CRADD: variants seen among roughly 807,000 people sequenced by gnomAD.
The protein encoded by CRADD is death domain-containing protein CRADD.
A neutral mutation model predicts 15.5 loss-of-function variants in CRADD; 9 were observed. The observed-to-expected ratio is 0.58, with a 90% CI of 0.35 to 1.01. CRADD has a LOEUF of 1.01. Ranked by LOEUF, CRADD falls within the 50% of genes least tolerant of loss-of-function variation. The pLI, the probability that CRADD is intolerant of heterozygous loss-of-function variation, is 0.02. For missense variants in CRADD, 227 were observed against 250.3 expected (o/e 0.91, Z 0.63); for synonymous variants, 118 against 107.6 (o/e 1.10, Z -0.60).
chr12:93,854,764 C>T (rs187679069), downstream of CRADD, among the ~76,000 whole-genome samples: 326 of 152,290 alleles, frequency 2.1e-3, no homozygotes, highest in Non-Finnish European at 3.9e-3. Context: ...CAGCCACATA[C>T]GTTTATGGCC....
At chr12:93,807,617 A>G (rs1957554387) in intron 2 of CRADD, among the ~76,000 whole-genome samples, 1 of 152,124 alleles carries the variant, frequency 6.6e-6, no homozygotes, top group African/African-American at 2.4e-5. Flanking sequence ...GTGGAGAGAC[A>G]GAGAAAATAA....
intron 2 of CRADD, among the ~76,000 whole-genome samples, chr12:93,870,923 A>G (rs561988248): frequency 7.2e-5 from 11 of 152,364 alleles, no homozygotes; most frequent in African/African-American, 2.6e-4. Context: ...GATAGTGGAC[A>G]ACAATTAAAA....
intron 2 of CRADD, chr12:93,738,678 GTTTTATTCTCATAAATAATGGAAA>G (rs2136925346): frequency 4.2e-6 from 2 of 473,136 alleles, no homozygotes; most frequent in East Asian, 6.7e-5. Flanking sequence ...TCAACCTCCT[GTTTTATTCTCATAAATAATGGAAA>G]TCTTAACTTC....
At chr12:93,877,034 C>G (rs1474290853) in intron 2 of CRADD, among the ~76,000 whole-genome samples, 2 of 129,650 alleles carry the variant, frequency 1.5e-5, no homozygotes, top group African/African-American at 2.5e-5. Flanking sequence ...CTGGGCACCC[C>G]AAGCCCAGTA....
Position 93,828,356 on chromosome 12 carries a change from A to T in CRADD, c.299-21614A>T, listed in dbSNP as rs1288373611. On this transcript the variant is annotated intron_variant, in intron 2 of 2. Transcript: ENST00000332896. ...TTATTCTTTTATGGATCATGCTTTT[A>T]GTATGGTGCCATTTTAAAGAAGTCT... Among the ~76,000 whole-genome samples the T allele has an allele frequency of 3.9e-5, 6 of 152,330 alleles. No individual in the cohort carries two copies. The East Asian group carries it at 5.8e-4, about 15-fold the overall frequency.
At chr12:93,722,192 T>G (rs1228069466) in intron 2 of CRADD, among the ~76,000 whole-genome samples, 1 of 152,254 alleles carries the variant, frequency 6.6e-6, no homozygotes, top group East Asian at 1.9e-4. Flanking sequence ...TTATGTGATT[T>G]CTGAGAAGGC....
At chr12:93,764,736 T>A (rs754796553) in intron 2 of CRADD, among the ~76,000 whole-genome samples, 52 of 44,542 alleles carry the variant, frequency 1.2e-3, no homozygotes, top group Admixed American at 5.1e-3. Flanking sequence ...ATTTTTGGTT[T>A]TTTTTTTTTG....
intron 2 of CRADD, among the ~76,000 whole-genome samples, chr12:93,885,033 A>G (rs887767499): frequency 1.3e-5 from 2 of 152,162 alleles, no homozygotes; most frequent in African/African-American, 4.8e-5. Flanking sequence ...TGCTAGGAAG[A>G]GGTGGGAATG....
intron 2 of CRADD, among the ~76,000 whole-genome samples, chr12:93,807,878 C>A (rs1360276872): frequency 1.4e-5 from 2 of 147,560 alleles, no homozygotes; most frequent in Non-Finnish European, 3.0e-5. Flanking sequence ...GGAAAACAGG[C>A]CTGGGGATCT....
chr12:93,788,091 C>T (rs938506871), intron 2 of CRADD, among the ~76,000 whole-genome samples: 1 of 152,140 alleles, frequency 6.6e-6, no homozygotes, highest in African/African-American at 2.4e-5. Flanking sequence ...CCCATCTCTG[C>T]CATGTCACCT....
At position 93,814,322 on chromosome 12, in the gene CRADD, C is replaced by T. The variant is rs554812431; in HGVS notation, c.299-35648C>T. On this transcript the variant is annotated intron_variant, in intron 2 of 2. Coordinates refer to ENST00000332896, the MANE Select transcript of CRADD (RefSeq NM_003805.5). ...GAGATAAGCAGTTTTTTTGTGGGGG[C>T]GGGGGAGGTGGAGAGGAGCCAGCTT... Among the ~76,000 whole-genome samples, 13 of 151,260 alleles carry T rather than the reference C, an allele frequency of 8.6e-5. No homozygotes were observed. In the South Asian group the frequency reaches 1.0e-3, roughly 12 times the overall value.
At chr12:93,728,603 CTCA>C (rs376810067) in intron 2 of CRADD, among the ~76,000 whole-genome samples, 11 of 152,188 alleles carry the variant, frequency 7.2e-5, no homozygotes, top group African/African-American at 2.6e-4. Flanking sequence ...AAAATTTTAT[CTCA>C]TCAAGTATTA....
intron 2 of CRADD, among the ~76,000 whole-genome samples, chr12:93,892,223 C>T (rs12299919): frequency 0.051 from 7,698 of 152,310 alleles, 235 homozygotes; most frequent in Middle Eastern, 0.065. Flanking sequence ...TCGGCAGGTA[C>T]ACCCAATGTC....
intron 2 of CRADD, among the ~76,000 whole-genome samples, chr12:93,847,726 T>C (rs1428685313): frequency 1.3e-5 from 2 of 152,100 alleles, no homozygotes; most frequent in Non-Finnish European, 2.9e-5. Flanking sequence ...ATTAGGCATC[T>C]GGCAAAATAA....
intron 2 of CRADD, among the ~76,000 whole-genome samples, chr12:93,867,388 C>CAT (rs150901925): frequency 0.017 from 877 of 52,600 alleles, 71 homozygotes; most frequent in African/African-American, 0.05. Flanking sequence ...TTGTATTTGA[C>CAT]ATATATATAT....
At chr12:93,881,228 G>A (rs1958497603) in intron 2 of CRADD, among the ~76,000 whole-genome samples, 1 of 152,074 alleles carries the variant, frequency 6.6e-6, no homozygotes, top group Non-Finnish European at 1.5e-5. Flanking sequence ...CTTCTGATGA[G>A]GATTAAGAAA....
chr12:93,853,664 T>G (rs1958247106), downstream of CRADD, among the ~76,000 whole-genome samples: 2 of 152,220 alleles, frequency 1.3e-5, no homozygotes, highest in Admixed American at 6.5e-5. Flanking sequence ...AGATTTTATC[T>G]CTTCCTAACA....
At chr12:93,821,165 G>A (rs949039920) in intron 2 of CRADD, among the ~76,000 whole-genome samples, 1 of 152,214 alleles carries the variant, frequency 6.6e-6, no homozygotes, top group African/African-American at 2.4e-5. Flanking sequence ...TAGCAGATGT[G>A]AAGACATTGG....
At chr12:93,787,215 A>T (rs114722675) in intron 2 of CRADD, among the ~76,000 whole-genome samples, 1 of 145,280 alleles carries the variant, frequency 6.9e-6, no homozygotes, top group South Asian at 2.1e-4. Flanking sequence ...AGAGTTGTTC[A>T]TCACTAAGTC....
Sources: gnomAD v4.1 joint callset for allele counts (sites outside exome capture counted in the v4.1 genomes callset) on GRCh38, gnomAD v4.1.1 for gene constraint, MANE v1.5 for transcripts, NCBI Gene and HGNC (gene_info 2026-07-23, HGNC 2026-07-21) for gene names.